FRK: variants seen among roughly 807,000 people sequenced by gnomAD.
FRK encodes the protein fyn related Src family tyrosine kinase.
A neutral mutation model predicts 56.4 loss-of-function variants in FRK; 51 were observed. The ratio of observed to expected loss-of-function variants is 0.90; its 90% CI spans 0.72 to 1.14. The LOEUF (loss-of-function observed/expected upper bound fraction) is 1.14, where lower values mean the gene tolerates loss of function less well. Among genes scored for constraint, FRK ranks in the 50% most tolerant of loss-of-function variants. FRK has a pLI of 0.00. For synonymous variants in FRK, 245 were observed against 217.9 expected, an observed-to-expected ratio of 1.12 and a Z score of -1.10; for missense variants, 570 against 601.4, an observed-to-expected ratio of 0.95 and a Z score of 0.55.
chr6:116,057,735 A>G (rs1275279457), intron 1 of FRK, among the ~76,000 whole-genome samples: 1 of 152,210 alleles, frequency 6.6e-6, no homozygotes, highest in Non-Finnish European at 1.5e-5. Context: ...AGGTCAAGGT[A>G]ATGTGCAGAG....
At chr6:116,037,022 C>G (rs1298330254) in intron 1 of FRK, among the ~76,000 whole-genome samples, 1 of 152,076 alleles carries the variant, frequency 6.6e-6, no homozygotes, top group East Asian at 1.9e-4. Flanking sequence ...ACACATATTT[C>G]ATGTTTGTCC....
the FRK span, among the ~76,000 whole-genome samples, chr6:116,073,656 T>A: frequency 0.37 from 56,190 of 152,028 alleles, 10,819 homozygotes; most frequent in Middle Eastern, 0.49. Flanking sequence ...GCAAGAAGCC[T>A]CTACAGCCCA....
At chr6:115,959,312 G>A (rs1033217094) in intron 4 of FRK, among the ~76,000 whole-genome samples, 1 of 151,968 alleles carries the variant, frequency 6.6e-6, no homozygotes, top group African/African-American at 2.4e-5. Context: ...AAACTATCGT[G>A]GTTTTTTTTT....
At chr6:116,017,305 C>T (rs1424083079) in intron 1 of FRK, among the ~76,000 whole-genome samples, 1 of 152,208 alleles carries the variant, frequency 6.6e-6, no homozygotes, top group African/African-American at 2.4e-5. Flanking sequence ...AGACTGTAAC[C>T]TACTCTTGTG....
At position 116,004,031 on chromosome 6, in the gene FRK, C is replaced by A. The variant is rs1320552474; in HGVS notation, c.345-33G>T. The A allele has an allele frequency of 2.5e-6, 4 of 1,575,338 alleles. No individual in the cohort carries two copies. In the Admixed American group the frequency reaches 5.3e-5, roughly 21 times the overall value. On this transcript the variant is annotated intron_variant, in intron 1 of 7. Transcript: ENST00000606080. The stretch of plus-strand genomic sequence containing the variant: ...GAGAGATATGTAAATGTTAAGTAAC[C>A]AATTAACATTCATTTTTTAAGGAGG...
At chr6:115,974,170 G>C (rs1773912153) in intron 2 of FRK, among the ~76,000 whole-genome samples, 1 of 152,146 alleles carries the variant, frequency 6.6e-6, no homozygotes, top group Admixed American at 6.6e-5. Flanking sequence ...CTATCTACTA[G>C]TTCCAAATTG....
Position 115,966,357 on chromosome 6 carries a change from C to A in FRK, c.799+1194G>T, listed in dbSNP as rs1029457231. Among the ~76,000 whole-genome samples the A allele has an allele frequency of 2.0e-5, 3 of 152,142 alleles. No individual in the cohort carries two copies. The East Asian group carries it at 5.8e-4, about 29-fold the overall frequency. On this transcript the variant is annotated intron_variant, in intron 4 of 7. Coordinates refer to ENST00000606080, the MANE Select transcript of FRK (RefSeq NM_002031.3). ...ACCCAGCTTCACAAAGATATGATGT[C>A]AACAAAAGGAATGTTGTTCTAAAGT... is the stretch of plus-strand genomic sequence containing the variant.
At chr6:116,032,610 C>T (rs1207071149) in intron 1 of FRK, among the ~76,000 whole-genome samples, 1 of 152,144 alleles carries the variant, frequency 6.6e-6, no homozygotes, top group Admixed American at 6.6e-5. Context: ...AAACACTTTA[C>T]ATTGTTAATT....
In FRK at chr6:116,059,856, T is replaced by C. The variant is rs191899596; in HGVS notation, c.344+112A>G. On this transcript the variant is annotated intron_variant, in intron 1 of 7. Transcript: ENST00000606080. ...GTGGTTTCTTGCCAGTACTTCCTCA[T>C]ACTTTTTAGGCAACTCTTTGGACAT... 4,489 of 923,934 alleles carry C rather than the reference T, an allele frequency of 4.9e-3. 28 individuals carry two copies. The highest frequency in any genetic ancestry group is 0.028 in the Middle Eastern group (89 of 3,176). 57.2% of individuals were successfully genotyped at this position (923,934 alleles called of 1,614,324 possible).
intron 2 of FRK, among the ~76,000 whole-genome samples, chr6:115,981,762 T>G (rs1272658574): frequency 4.6e-5 from 7 of 152,072 alleles, no homozygotes; most frequent in African/African-American, 1.7e-4. Flanking sequence ...AAAGGAGTAT[T>G]TTTTGTATTA....
At chr6:115,989,230 T>A (rs796603810) in intron 2 of FRK, among the ~76,000 whole-genome samples, 29 of 152,068 alleles carry the variant, frequency 1.9e-4, no homozygotes, top group African/African-American at 7.0e-4. Context: ...AATTTACAGA[T>A]CTTTTTATTT....
rs1273547436 is a variant in FRK, at chr6:115,941,260, G to A, written c.*1154C>T. The stretch of plus-strand genomic sequence containing the variant: ...ACACAAGAACAAAAAACCAAACACA[G>A]CATGTTCTCACTCATAAGTGGGAGC... On this transcript the variant is annotated 3_prime_UTR_variant, in exon 8 of 8. Coordinates refer to ENST00000606080, the MANE Select transcript of FRK (RefSeq NM_002031.3). 6.6e-6 allele frequency: 1 copy of A among 151,914 alleles called. No individual in the cohort carries two copies. Among genetic ancestry groups the A allele is most frequent in the Non-Finnish European group, 1.5e-5 (1 of 68,024 alleles). The allele number at this position is 151,914 out of a possible 1,614,324, so 9.4% of individuals were successfully genotyped here.
intron 2 of FRK, among the ~76,000 whole-genome samples, chr6:116,000,978 G>A (rs528542922): frequency 1.3e-3 from 200 of 152,250 alleles, no homozygotes; most frequent in African/African-American, 4.6e-3. Flanking sequence ...GGTGGTTCAC[G>A]CCTGTAATCC....
chr6:116,045,486 G>T (rs1776913153), intron 1 of FRK, among the ~76,000 whole-genome samples: 1 of 152,164 alleles, frequency 6.6e-6, no homozygotes, highest in South Asian at 2.1e-4. Context: ...AATGGGGAAA[G>T]GATTCCCTAT....
At chr6:115,960,277 G>T (rs911388024) in intron 4 of FRK, among the ~76,000 whole-genome samples, 2 of 151,008 alleles carry the variant, frequency 1.3e-5, no homozygotes, top group African/African-American at 4.9e-5. Context: ...TCAAAGAAAG[G>T]GGTGACGGAC....
intron 1 of FRK, among the ~76,000 whole-genome samples, chr6:116,059,199 A>G (rs1451742426): frequency 6.6e-6 from 1 of 152,066 alleles, no homozygotes; most frequent in Non-Finnish European, 1.5e-5. Flanking sequence ...TGGATGGGTG[A>G]ATAAGTACAT....
chr6:116,020,716 A>G (rs1775845373), intron 1 of FRK, among the ~76,000 whole-genome samples: 1 of 152,162 alleles, frequency 6.6e-6, no homozygotes, highest in Admixed American at 6.5e-5. Context: ...CTATTTTTGT[A>G]AACAGTAAAT....
chr6:116,019,552 C>T (rs192538848), intron 1 of FRK, among the ~76,000 whole-genome samples: 1 of 152,146 alleles, frequency 6.6e-6, no homozygotes, highest in African/African-American at 2.4e-5. Context: ...TAATTGAGTG[C>T]CATCACCTAG....
intron 2 of FRK, among the ~76,000 whole-genome samples, chr6:115,977,056 T>C (rs1774016358): frequency 6.6e-6 from 1 of 152,166 alleles, no homozygotes; most frequent in African/African-American, 2.4e-5. Context: ...TAGATTTGTT[T>C]ATACTTTTCA....
Sources: gnomAD v4.1 joint callset for allele counts (sites outside exome capture counted in the v4.1 genomes callset) on GRCh38, gnomAD v4.1.1 for gene constraint, MANE v1.5 for transcripts, NCBI Gene and HGNC (gene_info 2026-07-23, HGNC 2026-07-21) for gene names.